The following GSE1 variants were observed in gnomAD, a reference collection of about 807,000 sequenced individuals.
GSE1 encodes the protein genetic suppressor element 1.
GSE1 carries 32 observed loss-of-function variants against 112.6 expected under a neutral mutation model. The observed-to-expected ratio is 0.28, with a 90% CI of 0.21 to 0.38. The LOEUF is 0.38. Among genes scored for constraint, GSE1 ranks in the 10% least tolerant of loss-of-function variants. The pLI is 1.00. For missense variants in GSE1, 2,348 were observed against 1,699.2 expected (o/e 1.38, Z -6.71); for synonymous variants, 1,115 against 735.6 (o/e 1.52, Z -8.35).
intron 1 of GSE1, among the ~76,000 whole-genome samples, chr16:85,173,353 T>C (rs1354517567): frequency 3.9e-5 from 6 of 152,244 alleles, no homozygotes; most frequent in African/African-American, 1.4e-4. Context: ...CTTATCCTGG[T>C]GGAATGTCAG....
chr16:85,649,803 C>T (rs1010003561), intron 3 of GSE1, among the ~76,000 whole-genome samples: 3 of 152,172 alleles, frequency 2.0e-5, no homozygotes, highest in South Asian at 2.1e-4. Flanking sequence ...GTCACTCTTG[C>T]CTGAAGCTCC....
intron 2 of GSE1, among the ~76,000 whole-genome samples, chr16:85,509,771 G>A (rs1016958267): frequency 2.0e-5 from 3 of 152,324 alleles, no homozygotes; most frequent in Middle Eastern, 3.4e-3. Flanking sequence ...AGCCACATTC[G>A]TGAGGGTAAA....
At chr16:85,556,289 C>A in exon 1 of GSE1, 1 of 983,506 alleles carries the variant, frequency 1.0e-6, no homozygotes, top group Non-Finnish European at 1.2e-6. Context: ...TTTCCTTCTT[C>A]ATCCCTCTCT....
At chr16:85,607,881 C>T (rs899211699), upstream of GSE1, among the ~76,000 whole-genome samples, 1 of 152,198 alleles carries the variant, frequency 6.6e-6, no homozygotes, top group Admixed American at 6.5e-5. Flanking sequence ...GTCTGGGACT[C>T]CAGCAGACAC....
rs369140006 is a variant in GSE1, at chr16:85,367,707, C to T, written c.2464+10064C>T. On this transcript the variant is annotated intron_variant, in intron 2 of 2. Coordinates refer to the GSE1 transcript ENST00000637419. ...GGCGGGGACCGTGGCTCCCTGTCCT[C>T]GTGATCTCTCCAGTGCGTGGCACAG... Among the ~76,000 whole-genome samples the T allele has an allele frequency of 1.1e-4, 17 of 152,318 alleles. No individual in the cohort carries two copies. The East Asian group carries it at 1.7e-3, about 16-fold the overall frequency.
At chr16:85,463,906 A>T (rs963700293) in intron 2 of GSE1, among the ~76,000 whole-genome samples, 3 of 152,120 alleles carry the variant, frequency 2.0e-5, no homozygotes, top group African/African-American at 7.2e-5. Context: ...TGAGGGATGG[A>T]GAGAAGCCTT....
chr16:85,594,182 G>A (rs1354197796), intron 1 of GSE1: 1 of 146,332 alleles, frequency 6.8e-6, no homozygotes, highest in Non-Finnish European at 1.5e-5. Context: ...GCCCCGATGG[G>A]CCAGGGCAGG....
At chr16:85,587,736 G>C (rs991518089) in intron 1 of GSE1, among the ~76,000 whole-genome samples, 13 of 151,966 alleles carry the variant, frequency 8.6e-5, no homozygotes, top group Non-Finnish European at 1.5e-4. Flanking sequence ...CTAGAGGGCT[G>C]GGATACTTAG....
chr16:85,471,316 C>T (rs143768885), intron 2 of GSE1, among the ~76,000 whole-genome samples: 2 of 152,216 alleles, frequency 1.3e-5, no homozygotes, highest in South Asian at 2.1e-4. Context: ...TAGCTCCAAC[C>T]TCATTTAGTC....
chr16:85,638,157 A>G lies in GSE1; in HGVS notation c.226+4025A>G, dbSNP rs185700027. 2.2e-4 allele frequency among the ~76,000 whole-genome samples: 34 copies of G among 152,158 alleles called. 2 individuals carry two copies. The East Asian group carries it at 6.4e-3, about 29-fold the overall frequency. On this transcript the variant is annotated intron_variant, in intron 2 of 15. Transcript: ENST00000253458. ...TCTCGGTTTTCGCCATCTGACTGCG[A>G]TTGCCTCCGCGTCTCTCCTCTCATT...
chr16:85,625,134 G>A (rs1278529856), intron 1 of GSE1, among the ~76,000 whole-genome samples: 3 of 152,162 alleles, frequency 2.0e-5, no homozygotes, highest in African/African-American at 7.2e-5. Flanking sequence ...CCCTTTAGGA[G>A]GCCGCCTCCC....
chr16:85,183,495 T>A (rs535989183), intron 1 of GSE1, among the ~76,000 whole-genome samples: 2 of 152,276 alleles, frequency 1.3e-5, no homozygotes, highest in South Asian at 4.1e-4. Flanking sequence ...GACTCCTCCC[T>A]GCTCTGCCCT....
intron 1 of GSE1, among the ~76,000 whole-genome samples, chr16:85,263,316 A>G (rs914756106): frequency 1.3e-5 from 2 of 151,668 alleles, no homozygotes. Flanking sequence ...TAGGGCAGGG[A>G]TTGTGACGCT....
At chr16:85,245,705 C>G (rs545536512) in intron 1 of GSE1, among the ~76,000 whole-genome samples, 3 of 152,078 alleles carry the variant, frequency 2.0e-5, no homozygotes, top group Non-Finnish European at 2.9e-5. Flanking sequence ...AGATTGGGGA[C>G]CTTTAATAGA....
rs2052455371 is a variant in GSE1, at chr16:85,661,782, G to T, written c.2260+17G>T. Reference sequence around the variant, plus strand: ...AGGAGAAAGGTCTGCCTCCCCGCGGGCCCCGAGCTGCTCAGGGAGAGCCGC... The same window carrying T: ...AGGAGAAAGGTCTGCCTCCCCGCGGTCCCCGAGCTGCTCAGGGAGAGCCGC... On this transcript the variant is annotated intron_variant, in intron 9 of 15. Transcript: ENST00000253458. The T allele has an allele frequency of 1.3e-6, 2 of 1,485,866 alleles. No homozygotes were observed. The highest frequency in any genetic ancestry group is 9.0e-7 in the Non-Finnish European group (1 of 1,113,432). 92.0% of individuals were successfully genotyped at this position (1,485,866 alleles called of 1,614,324 possible). A position where few individuals can be genotyped will look rare whatever the true frequency, so the allele number is the denominator to read the frequency against.
chr16:85,173,738 A>T (rs1440977797), intron 1 of GSE1, among the ~76,000 whole-genome samples: 1 of 152,170 alleles, frequency 6.6e-6, no homozygotes, highest in African/African-American at 2.4e-5. Context: ...CTTGACTGAT[A>T]AGAACGCCAG....
chr16:85,258,783 C>T (rs1394949966), intron 1 of GSE1, among the ~76,000 whole-genome samples: 1 of 152,208 alleles, frequency 6.6e-6, no homozygotes, highest in Non-Finnish European at 1.5e-5. Context: ...TTGTCAGGCC[C>T]GCGAAGGGAG....
rs1011512800 is a variant in GSE1, at chr16:85,674,380, T to A, written c.*1841T>A. On this transcript the variant is annotated 3_prime_UTR_variant, in exon 16 of 16. Coordinates refer to ENST00000253458, the MANE Select transcript of GSE1 (RefSeq NM_014615.5). ...TCAGCAGTCAACAAGCACCTTCCTCTCCACAGAAGCAGCTGGAAGAGAACT... is the reference window on the plus strand; with the variant it reads ...TCAGCAGTCAACAAGCACCTTCCTCACCACAGAAGCAGCTGGAAGAGAACT... The A allele has an allele frequency of 6.6e-6, 1 of 152,186 alleles. No homozygotes were observed. Among genetic ancestry groups the A allele is most frequent in the Non-Finnish European group, 1.5e-5 (1 of 68,040 alleles). 9.4% of individuals were successfully genotyped at this position (152,186 alleles called of 1,614,324 possible). A position where few individuals can be genotyped will look rare whatever the true frequency, so the allele number is the denominator to read the frequency against.
Position 85,661,410 on chromosome 16 carries a change from G to A in GSE1, c.1905G>A (p.Glu635=), listed in dbSNP as rs774665351. 6.2e-7 allele frequency: 1 copy of A among 1,612,352 alleles called. No homozygotes were observed. The highest frequency in any genetic ancestry group is 1.1e-5 in the South Asian group (1 of 91,058). ...GGGTCTTCTGCCCGGAGAAAGCAGA[G>A]GAGGGGCCACGGAAGCGTGAGCCTG... The part of the protein sequence containing the change: ...VERVFCPEKA[E]EGPRKREPAP... The change falls in exon 9 of 16, where the codon GAG becomes GAA. Residue 635 remains glutamate, a synonymous_variant. Transcript: ENST00000253458.
Sources: allele counts gnomAD v4.1 joint callset (sites outside exome capture counted in the v4.1 genomes callset), GRCh38; gene constraint gnomAD v4.1.1; transcripts MANE v1.5; gene names NCBI Gene and HGNC (gene_info 2026-07-23, HGNC 2026-07-21).